The following PTPRT variants were observed in gnomAD, a reference collection of about 807,000 sequenced individuals.
PTPRT encodes the protein receptor-type tyrosine-protein phosphatase T.
PTPRT carries 56 observed loss-of-function variants against 176.8 expected under a neutral mutation model. That is an observed-to-expected ratio of 0.32 (90% CI 0.26 to 0.40). The LOEUF is 0.40. Ranked by LOEUF, PTPRT falls within the 10% of genes least tolerant of loss-of-function variation. The pLI, the probability that PTPRT is intolerant of heterozygous loss-of-function variation, is 1.00. For synonymous variants in PTPRT, 783 were observed against 739.0 expected (o/e 1.06, Z -0.96); for missense variants, 1,540 against 1,908.2 (o/e 0.81, Z 3.60).
rs558233094 is a variant in PTPRT, at chr20:42,404,100, G to A, written c.1560+44120C>T. Among the ~76,000 whole-genome samples the A allele has an allele frequency of 1.4e-4, 21 of 152,294 alleles. No homozygotes were observed. The South Asian group carries it at 4.1e-3, about 30-fold the overall frequency. On this transcript the variant is annotated intron_variant, in intron 9 of 30. Transcript: ENST00000373187. ...CCAAGAACAAGATATGGTTGAGACT[G>A]GCTAGATATTCACCAAAGCTAATTC...
intron 9 of PTPRT, among the ~76,000 whole-genome samples, chr20:42,437,308 G>A (rs1488751644): frequency 6.6e-6 from 1 of 152,142 alleles, no homozygotes; most frequent in African/African-American, 2.4e-5. Context: ...AGAGCTTTTT[G>A]AATCTCCCTG....
rs564371851 is a variant in PTPRT, at chr20:42,220,744, C to T, written c.2342+15485G>A. ...AATAAAATTCTCTCCAAGGTACAAC[C>T]CTTTTTATAGGATACTATAAACAAA... On this transcript the variant is annotated intron_variant, in intron 15 of 30. Transcript: ENST00000373187. Among the ~76,000 whole-genome samples, 7 of 152,140 alleles carry T rather than the reference C, an allele frequency of 4.6e-5. No individual in the cohort carries two copies. The East Asian group carries it at 1.2e-3, about 25-fold the overall frequency.
At chr20:42,957,156 C>A (rs900678128) in intron 1 of PTPRT, among the ~76,000 whole-genome samples, 2 of 152,102 alleles carry the variant, frequency 1.3e-5, no homozygotes, top group Non-Finnish European at 2.9e-5. Context: ...AACTCCCCAG[C>A]TCATTTGATA....
chr20:42,911,626 A>C (rs146026157), intron 1 of PTPRT, among the ~76,000 whole-genome samples: 1 of 152,178 alleles, frequency 6.6e-6, no homozygotes, highest in Non-Finnish European at 1.5e-5. Context: ...GTATGCATGC[A>C]TATGTCAGGT....
intron 2 of PTPRT, among the ~76,000 whole-genome samples, chr20:42,854,500 G>A (rs902048201): frequency 6.6e-6 from 1 of 152,166 alleles, no homozygotes; most frequent in Non-Finnish European, 1.5e-5. Flanking sequence ...CAGAATGGGT[G>A]GGGGAAACTC....
At position 42,668,723 on chromosome 20, in the gene PTPRT, G is replaced by A. The variant is rs369937600; in HGVS notation, c.1153+9143C>T. On this transcript the variant is annotated intron_variant, in intron 7 of 30. Transcript: ENST00000373187. Reference sequence around the variant, plus strand: ...TTTTTTTTTTTTAAGGCGGAGTCTCGCTCTGTCGTCCAGGCTGGAGTACAG... The same window carrying A: ...TTTTTTTTTTTTAAGGCGGAGTCTCACTCTGTCGTCCAGGCTGGAGTACAG... Among the ~76,000 whole-genome samples, 7 of 150,144 alleles carry A rather than the reference G, an allele frequency of 4.7e-5. No individual in the cohort carries two copies. In the East Asian group the frequency reaches 5.9e-4, roughly 13 times the overall value.
chr20:42,833,521 T>G (rs1260451875), intron 2 of PTPRT, among the ~76,000 whole-genome samples: 1 of 151,828 alleles, frequency 6.6e-6, no homozygotes, highest in Non-Finnish European at 1.5e-5. Context: ...AGCTCAAGGA[T>G]GCAGTGAGCT....
At chr20:42,733,749 A>G (rs1173571258) in intron 6 of PTPRT, among the ~76,000 whole-genome samples, 1 of 152,218 alleles carries the variant, frequency 6.6e-6, no homozygotes, top group Non-Finnish European at 1.5e-5. Context: ...GTTTATCAAC[A>G]TACACATCTT....
At chr20:42,940,530 A>T (rs1249813328) in intron 1 of PTPRT, among the ~76,000 whole-genome samples, 1 of 152,182 alleles carries the variant, frequency 6.6e-6, no homozygotes, top group African/African-American at 2.4e-5. Flanking sequence ...GTTGAAGAGG[A>T]GATGGGAGAC....
In PTPRT at chr20:42,555,427, T is replaced by C. The variant is rs572019639; in HGVS notation, c.1154-82865A>G. On this transcript the variant is annotated intron_variant, in intron 7 of 30. Coordinates refer to ENST00000373187, the MANE Select transcript of PTPRT (RefSeq NM_007050.6). The stretch of plus-strand genomic sequence containing the variant: ...ATAAGTAAACCATACAGAACGATAA[T>C]AGAACATGATGAGTACGAGAGAAAA... Among the ~76,000 whole-genome samples, 4 of 152,098 alleles carry C rather than the reference T, an allele frequency of 2.6e-5. No individual in the cohort carries two copies. In the South Asian group the frequency reaches 8.3e-4, roughly 32 times the overall value.
At chr20:42,278,940 C>T (rs2057093758) in intron 13 of PTPRT, among the ~76,000 whole-genome samples, 1 of 152,174 alleles carries the variant, frequency 6.6e-6, no homozygotes. Context: ...GCCCATCCCT[C>T]ATCTTCCAAA....
chr20:42,470,681 A>G (rs750239915), intron 8 of PTPRT, among the ~76,000 whole-genome samples: 11 of 152,094 alleles, frequency 7.2e-5, no homozygotes, highest in Non-Finnish European at 1.6e-4. Context: ...ATCCAAGTCA[A>G]TCTGGGGCAA....
chr20:42,994,329 A>G (rs77934301), intron 1 of PTPRT, among the ~76,000 whole-genome samples: 2,081 of 152,300 alleles, frequency 0.014, 30 homozygotes, highest in African/African-American at 0.043. Context: ...TGTCAATATG[A>G]CAAGTTAGAA....
chr20:42,654,325 G>A lies in PTPRT; in HGVS notation c.1153+23541C>T, dbSNP rs138029669. Among the ~76,000 whole-genome samples the A allele has an allele frequency of 8.9e-3, 1,360 of 152,086 alleles. 6 individuals carry two copies. Among genetic ancestry groups the A allele is most frequent in the Non-Finnish European group, 0.014 (985 of 67,982 alleles). On this transcript the variant is annotated intron_variant, in intron 7 of 30. Coordinates refer to ENST00000373187, the MANE Select transcript of PTPRT (RefSeq NM_007050.6). ...CTAGCACAGTGCATTCAAGGATGAA[G>A]AAAACAAAAAACAAAAAACAAAAAA...
At chr20:42,962,044 G>A (rs1369453514) in intron 1 of PTPRT, among the ~76,000 whole-genome samples, 2 of 152,190 alleles carry the variant, frequency 1.3e-5, no homozygotes, top group Non-Finnish European at 2.9e-5. Context: ...ACCCTGCTGA[G>A]TTTAGACTTC....
intron 1 of PTPRT, among the ~76,000 whole-genome samples, chr20:43,062,960 C>T (rs906897244): frequency 6.6e-6 from 1 of 152,140 alleles, no homozygotes; most frequent in African/African-American, 2.4e-5. Context: ...TGGTTTGGGT[C>T]GTTTTCAAGC....
At chr20:43,008,600 G>A (rs1218546156) in intron 1 of PTPRT, among the ~76,000 whole-genome samples, 2 of 152,134 alleles carry the variant, frequency 1.3e-5, no homozygotes, top group African/African-American at 2.4e-5. Context: ...CTGAGGTGGA[G>A]GCATCACTTG....
intron 15 of PTPRT, among the ~76,000 whole-genome samples, chr20:42,228,157 C>A (rs772040739): frequency 6.6e-6 from 1 of 152,140 alleles, no homozygotes; most frequent in East Asian, 1.9e-4. Context: ...AAAGTAATTG[C>A]GGTTTTTGCC....
rs1252528060 is a variant in PTPRT at position 43,189,768 on chromosome 20, G to GGGGGCC, written c.-41_-36dup. Reference sequence around the variant, plus strand: ...GGCGGGCAGCTCAGCCCCTTCCCGCGGGGGCCGGGGCCGGGACTGGGGCGG... The same window carrying GGGGGCC: ...GGCGGGCAGCTCAGCCCCTTCCCGCGGGGGCCGGGGCCGGGGCCGGGACTGGGGCGG... On this transcript the variant is annotated 5_prime_UTR_variant, in exon 1 of 31. Coordinates refer to ENST00000373187, the MANE Select transcript of PTPRT (RefSeq NM_007050.6). The surrounding 1 kb of genome is among the most constrained non-coding windows in gnomAD (Gnocchi z 5.0). 6.8e-4 allele frequency: 763 copies of GGGGGCC among 1,125,110 alleles called. 19 individuals are homozygous for GGGGGCC. Among genetic ancestry groups the GGGGGCC allele is most frequent in the Admixed American group, 7.9e-4 (16 of 20,192 alleles). The allele number at this position is 1,125,110 out of a possible 1,614,324, so 69.7% of individuals were successfully genotyped here. A position where few individuals can be genotyped will look rare whatever the true frequency, so the allele number is the denominator to read the frequency against.
Sources: gnomAD v4.1 joint callset for allele counts (sites outside exome capture counted in the v4.1 genomes callset) on GRCh38, gnomAD v4.1.1 for gene constraint, Gnocchi (gnomAD v3.1) non-coding constraint, MANE v1.5 for transcripts, NCBI Gene and HGNC (gene_info 2026-07-23, HGNC 2026-07-21) for gene names.